Variants in ATP2B4 observed in about 807,000 individuals in gnomAD.
ATP2B4 encodes plasma membrane calcium-transporting ATPase 4.
ATP2B4 carries 39 observed loss-of-function variants against 110.3 expected under a neutral mutation model. The observed-to-expected ratio is 0.35, with a 90% CI of 0.27 to 0.46. ATP2B4 has a LOEUF of 0.46. Ranked by LOEUF, ATP2B4 falls within the 20% of genes least tolerant of loss-of-function variation. The probability of loss-of-function intolerance (pLI) is 1.00; values close to 1 mark genes in which losing one functional copy is unlikely to be tolerated. For missense variants in ATP2B4, 1,135 were observed against 1,530.9 expected, an observed-to-expected ratio of 0.74 and a Z score of 4.32; for synonymous variants, 538 against 571.7, an observed-to-expected ratio of 0.94 and a Z score of 0.84.
At chr1:203,695,444 C>A (rs142986561) in intron 2 of ATP2B4, among the ~76,000 whole-genome samples, 1 of 152,156 alleles carries the variant, frequency 6.6e-6, no homozygotes, top group East Asian at 1.9e-4. Flanking sequence ...CAGGGAGTCT[C>A]TGGGGAGCAA....
intron 1 of ATP2B4, among the ~76,000 whole-genome samples, chr1:203,676,384 C>G (rs1479039490): frequency 6.6e-6 from 1 of 152,080 alleles, no homozygotes; most frequent in Non-Finnish European, 1.5e-5. Context: ...GAACTAGAAT[C>G]TGGGTCATGG....
intron 20 of ATP2B4, among the ~76,000 whole-genome samples, chr1:203,730,725 C>T (rs541173609): frequency 1.3e-5 from 2 of 152,314 alleles, no homozygotes; most frequent in African/African-American, 4.8e-5. Flanking sequence ...GGTTTCACTG[C>T]CTACATAGCT....
chr1:203,688,726 A>G (rs1665280391), intron 2 of ATP2B4, among the ~76,000 whole-genome samples: 1 of 152,198 alleles, frequency 6.6e-6, no homozygotes, highest in Non-Finnish European at 1.5e-5. Flanking sequence ...GTTTAGCTAC[A>G]TGGCCTTCAG....
chr1:203,704,302 G>A (rs1235541489), intron 8 of ATP2B4, among the ~76,000 whole-genome samples: 4 of 152,042 alleles, frequency 2.6e-5, no homozygotes, highest in Non-Finnish European at 5.9e-5. Context: ...CTCCAGAAGA[G>A]AGGTAACTAA....
intron 1 of ATP2B4, among the ~76,000 whole-genome samples, chr1:203,674,145 A>T (rs12118835): frequency 4.1e-4 from 62 of 152,134 alleles, no homozygotes; most frequent in Admixed American, 8.5e-4. Flanking sequence ...AGTGAGTAGC[A>T]GTTATCGTTG....
intron 1 of ATP2B4, chr1:203,657,537 T>C (rs1166115257): frequency 2.5e-6 from 2 of 815,630 alleles, no homozygotes; most frequent in Non-Finnish European, 4.3e-6. Flanking sequence ...GGTGTTTCTC[T>C]TTTCATGCAT....
intron 20 of ATP2B4, among the ~76,000 whole-genome samples, chr1:203,731,944 C>T (rs1030288540): frequency 6.7e-6 from 1 of 150,158 alleles, no homozygotes; most frequent in Non-Finnish European, 1.5e-5. Context: ...TTTGGGAGGC[C>T]AAGACCGGCG....
chr1:203,707,592 A>T (rs1008648500), intron 9 of ATP2B4, among the ~76,000 whole-genome samples: 1 of 152,054 alleles, frequency 6.6e-6, no homozygotes, highest in Non-Finnish European at 1.5e-5. Context: ...CACCATGCCC[A>T]GTTACTTTTT....
intron 17 of ATP2B4, 140 bp downstream of exon 17, chr1:203,721,550 C>A (rs904615649): frequency 2.5e-6 from 2 of 790,736 alleles, no homozygotes; most frequent in Non-Finnish European, 2.0e-6. Context: ...TCCCGCTACA[C>A]GGTGCATTAT....
At chr1:203,632,591 C>G (rs1432765162) in intron 1 of ATP2B4, among the ~76,000 whole-genome samples, 1 of 151,802 alleles carries the variant, frequency 6.6e-6, no homozygotes, top group Non-Finnish European at 1.5e-5. Flanking sequence ...GATCCGCCCA[C>G]CTCAGCCTCC....
chr1:203,735,002 CAAAAAAAA>C (rs35552196), intron 20 of ATP2B4, among the ~76,000 whole-genome samples: 4 of 57,132 alleles, frequency 7.0e-5, no homozygotes, highest in Non-Finnish European at 8.9e-5. Context: ...GACTCCATCT[CAAAAAAAA>C]AAAAAAAAAA....
intron 1 of ATP2B4, among the ~76,000 whole-genome samples, chr1:203,681,758 T>C (rs922585746): frequency 3.9e-5 from 6 of 152,124 alleles, no homozygotes; most frequent in African/African-American, 1.4e-4. Flanking sequence ...ATTGAGCTGA[T>C]GTGAGACTCT....
intron 1 of ATP2B4, among the ~76,000 whole-genome samples, chr1:203,646,707 G>A (rs962459105): frequency 6.6e-6 from 1 of 152,040 alleles, no homozygotes; most frequent in Middle Eastern, 3.2e-3. Context: ...AGGTTACAGT[G>A]AGCCGAGATT....
rs371623112 is a variant in ATP2B4, at chr1:203,723,916, T to A, written c.3060T>A (p.Ser1020Arg). Residue 1020 changes from serine to arginine, a missense_variant, in exon 19 of 21, where the codon AGT (serine) becomes AGA (arginine). Ser to Arg is a moderately radical substitution (Grantham distance 110, BLOSUM62 -1). Transcript: ENST00000357681. ...TGGAATTTGGGGGTAAACCCTTCAG[T>A]TGTACAAGCCTCAGCCTGTCTCAGT... The part of the protein sequence containing the change: ...FIVEFGGKPF[S>R]CTSLSLSQWL... 1 of 1,611,474 alleles carries A rather than the reference T, an allele frequency of 6.2e-7. No homozygotes were observed. Among genetic ancestry groups the A allele is most frequent in the Non-Finnish European group, 8.5e-7 (1 of 1,178,992 alleles).
rs1665895865 is a variant in ATP2B4 at position 203,707,894 on chromosome 1, C to T, written c.1347C>T (p.His449=). The T allele has an allele frequency of 6.2e-7, 1 of 1,614,064 alleles. No homozygotes were observed. The highest frequency in any genetic ancestry group is 1.3e-5 in the African/African-American group (1 of 74,920). ...KMMKDNNLVR[H]LDACETMGNA... is the part of the protein sequence containing the mutation. Reference sequence around the variant, plus strand: ...TGAAAGACAATAACCTAGTACGGCACTTGGATGCTTGTGAGACCATGGGCA... The same window carrying T: ...TGAAAGACAATAACCTAGTACGGCATTTGGATGCTTGTGAGACCATGGGCA... The change falls in exon 10 of 21, where the codon CAC becomes CAT. Residue 449 remains histidine, a synonymous_variant. Transcript: ENST00000357681.
At chr1:203,739,450 G>T in intron 20 of ATP2B4, 96 bp from the exon 21 acceptor site, 1 of 1,255,768 alleles carries the variant, frequency 8.0e-7, no homozygotes, top group Non-Finnish European at 1.1e-6. Flanking sequence ...TTATAGTCTG[G>T]GTTTTGTTTC....
chr1:203,687,993 A>AGAT (rs1349644065), intron 2 of ATP2B4, among the ~76,000 whole-genome samples: 2,351 of 101,502 alleles, frequency 0.023, 54 homozygotes, highest in African/African-American at 0.063. Context: ...AGAGAGAAAG[A>AGAT]GATTATTATT....
intron 7 of ATP2B4, 73 bp downstream of exon 7, chr1:203,702,152 C>A: frequency 6.4e-7 from 1 of 1,562,952 alleles, no homozygotes; most frequent in Non-Finnish European, 8.8e-7. Context: ...GGCCATCTTC[C>A]TTCTCCCTTT....
chr1:203,633,208 A>G (rs971517622), intron 1 of ATP2B4, among the ~76,000 whole-genome samples: 1 of 152,240 alleles, frequency 6.6e-6, no homozygotes, highest in African/African-American at 2.4e-5. Flanking sequence ...GATAATGGTA[A>G]TAGATTGTAA....
Sources: gnomAD v4.1 joint callset for allele counts (sites outside exome capture counted in the v4.1 genomes callset) on GRCh38, gnomAD v4.1.1 for gene constraint, MANE v1.5 for transcripts, NCBI Gene and HGNC (gene_info 2026-07-23, HGNC 2026-07-21) for gene names.